USP25: variants seen among roughly 807,000 people sequenced by gnomAD.
USP25 encodes ubiquitin carboxyl-terminal hydrolase 25.
A neutral mutation model predicts 158.5 loss-of-function variants in USP25; 85 were observed. The ratio of observed to expected loss-of-function variants is 0.54; its 90% confidence interval spans 0.45 to 0.64. The LOEUF (loss-of-function observed/expected upper bound fraction) is 0.64. Among genes scored for constraint, USP25 ranks in the 30% least tolerant of loss-of-function variants. The probability of loss-of-function intolerance (pLI) is 0.00; values close to 1 mark genes in which losing one functional copy is unlikely to be tolerated. For synonymous variants in USP25, 464 were observed against 460.4 expected, an observed-to-expected ratio of 1.01 and a Z score of -0.10; for missense variants, 1,242 against 1,327.3, an observed-to-expected ratio of 0.94 and a Z score of 1.00.
intron 14 of USP25, among the ~76,000 whole-genome samples, 178 bp downstream of exon 14, chr21:15,827,381 G>T (rs2037563809): frequency 6.6e-6 from 1 of 152,088 alleles, no homozygotes; most frequent in Admixed American, 6.6e-5. Context: ...TCAATATCAG[G>T]TTCACAGGGA....
intron 3 of USP25, among the ~76,000 whole-genome samples, chr21:15,775,159 A>G (rs1294324782): frequency 6.6e-6 from 1 of 152,180 alleles, no homozygotes; most frequent in African/African-American, 2.4e-5. Flanking sequence ...TATAAAATAT[A>G]TTTGGGGAAA....
intron 9 of USP25, among the ~76,000 whole-genome samples, chr21:15,812,628 G>A (rs2036725163): frequency 6.6e-6 from 1 of 151,032 alleles, no homozygotes; most frequent in Non-Finnish European, 1.5e-5. Flanking sequence ...TCCAGCCTGG[G>A]AGACAGAGCG....
chr21:15,824,286 C>A, intron 11 of USP25, 120 bp downstream of exon 11: 1 of 1,129,046 alleles, frequency 8.9e-7, no homozygotes, highest in Non-Finnish European at 1.2e-6. Flanking sequence ...CATAATATAC[C>A]TAATACCATT....
intron 8 of USP25, among the ~76,000 whole-genome samples, chr21:15,810,078 G>A (rs1380673101): frequency 2.0e-5 from 3 of 152,148 alleles, no homozygotes; most frequent in Admixed American, 2.0e-4. Context: ...TTGCACAACA[G>A]TGTGAATATA....
chr21:15,845,760 C>T (rs2038553246), intron 18 of USP25, among the ~76,000 whole-genome samples: 1 of 152,048 alleles, frequency 6.6e-6, no homozygotes, highest in Admixed American at 6.6e-5. Context: ...TCTGAATTTA[C>T]CTGTTTATAT....
chr21:15,755,921 A>G (rs2123351353), intron 1 of USP25, among the ~76,000 whole-genome samples: 1 of 152,208 alleles, frequency 6.6e-6, no homozygotes, highest in South Asian at 2.1e-4. Context: ...TCAAGGGGAG[A>G]TGAGTGTGCC....
chr21:15,730,909 T>C (rs1466051282), intron 1 of USP25, among the ~76,000 whole-genome samples: 1 of 151,526 alleles, frequency 6.6e-6, no homozygotes, highest in Non-Finnish European at 1.5e-5. Context: ...CCAGGTGGAC[T>C]CTAGAAGTAG....
chr21:15,792,767 T>A (rs1236633043), intron 5 of USP25, among the ~76,000 whole-genome samples: 1 of 151,608 alleles, frequency 6.6e-6, no homozygotes, highest in Non-Finnish European at 1.5e-5. Context: ...ATAATTTGAT[T>A]TTCTTTGTTT....
intron 25 of USP25, 123 bp downstream of exon 25, chr21:15,878,114 T>G: frequency 9.7e-7 from 1 of 1,026,090 alleles, no homozygotes; most frequent in Non-Finnish European, 1.4e-6. Flanking sequence ...TATTTTCACA[T>G]TCACATGATT....
chr21:15,810,120 T>G (rs548058275), intron 8 of USP25, among the ~76,000 whole-genome samples: 1 of 152,194 alleles, frequency 6.6e-6, no homozygotes, highest in African/African-American at 2.4e-5. Flanking sequence ...AGTTAAAGGG[T>G]TATGTACATT....
At chr21:15,768,253 C>T (rs553778386) in intron 3 of USP25, among the ~76,000 whole-genome samples, 2 of 152,050 alleles carry the variant, frequency 1.3e-5, no homozygotes, top group South Asian at 4.2e-4. Context: ...AATCAGGGTG[C>T]CAATTGAGAT....
chr21:15,838,218 C>T (rs554527768), intron 17 of USP25, among the ~76,000 whole-genome samples: 1 of 151,840 alleles, frequency 6.6e-6, no homozygotes, highest in Non-Finnish European at 1.5e-5. Flanking sequence ...CATGAAGCCA[C>T]CATGCCAGGC....
chr21:15,819,528 C>T (rs1226768985), intron 10 of USP25, among the ~76,000 whole-genome samples: 1 of 152,098 alleles, frequency 6.6e-6, no homozygotes, highest in Non-Finnish European at 1.5e-5. Context: ...TGATAGTTGT[C>T]TAGCTGTTAA....
intron 4 of USP25, among the ~76,000 whole-genome samples, chr21:15,782,800 C>G (rs1374366767): frequency 2.6e-5 from 4 of 152,126 alleles, no homozygotes; most frequent in Non-Finnish European, 5.9e-5. Context: ...AAGCAATTGT[C>G]CATTACATGC....
rs1256887548 is a variant in USP25, at chr21:15,805,204, A to G, written c.726A>G (p.Pro242=). 1.2e-6 allele frequency: 2 copies of G among 1,608,990 alleles called. No individual in the cohort carries two copies. ...LVGTKRKYVD[P]SRAVEILKDA... ...GTACCAAAAGGAAGTATGTTGATCCATCAAGAGCAGTTGAAATTCTTAAGG... is the reference window on the plus strand; with the variant it reads ...GTACCAAAAGGAAGTATGTTGATCCGTCAAGAGCAGTTGAAATTCTTAAGG... The change falls in exon 7 of 26, where the codon CCA becomes CCG. Residue 242 remains proline (P), a synonymous_variant. Transcript: ENST00000400183.
At chr21:15,764,316 CTT>C (rs61313473) in intron 2 of USP25, among the ~76,000 whole-genome samples, 67 of 127,570 alleles carry the variant, frequency 5.3e-4, no homozygotes, top group Middle Eastern at 4.1e-3. Flanking sequence ...GGGGAATTTG[CTT>C]TTTTTTTTTT....
At chr21:15,853,816 G>A (rs1362168107) in intron 20 of USP25, among the ~76,000 whole-genome samples, 1 of 151,986 alleles carries the variant, frequency 6.6e-6, no homozygotes, top group African/African-American at 2.4e-5. Context: ...ACTTAACCGT[G>A]TTAGCGTTGG....
In USP25 at chr21:15,826,173, T is replaced by G. The variant is rs1192241584; in HGVS notation, c.1305-31T>G. On this transcript the variant is annotated intron_variant, in intron 12 of 25. Transcript: ENST00000400183. This position sits in a 1 kb window ranked among gnomAD's most constrained non-coding sequence, Gnocchi z 4.8. ...GGCCCAAATATGCTGTATATAGAAA[T>G]AAAAGCATTTGTACATTTTATGATT... The G allele has an allele frequency of 6.2e-7, 1 of 1,608,464 alleles. No individual in the cohort carries two copies. The highest frequency in any genetic ancestry group is 1.1e-5 in the South Asian group (1 of 90,498).
chr21:15,860,233 A>T (rs2039365823), intron 20 of USP25, among the ~76,000 whole-genome samples: 1 of 151,628 alleles, frequency 6.6e-6, no homozygotes, highest in Non-Finnish European at 1.5e-5. Flanking sequence ...GCTCACCACA[A>T]CCTCTGCCTC....
Sources: gnomAD v4.1 joint callset for allele counts (sites outside exome capture counted in the v4.1 genomes callset) on GRCh38, gnomAD v4.1.1 for gene constraint, Gnocchi (gnomAD v3.1) non-coding constraint, MANE v1.5 for transcripts, NCBI Gene and HGNC (gene_info 2026-07-23, HGNC 2026-07-21) for gene names.